Variants in LRRFIP1 observed in about 807,000 individuals in gnomAD.
The protein encoded by LRRFIP1 is leucine-rich repeat flightless-interacting protein 1.
A neutral mutation model predicts 104.4 loss-of-function variants in LRRFIP1; 62 were observed. That is an observed-to-expected ratio of 0.59 (90% CI 0.48 to 0.73). The LOEUF (loss-of-function observed/expected upper bound fraction) is 0.73. Among genes scored for constraint, LRRFIP1 ranks in the 30% least tolerant of loss-of-function variants. The pLI, the probability that LRRFIP1 is intolerant of heterozygous loss-of-function variation, is 0.00. For missense variants in LRRFIP1, 796 were observed against 824.5 expected, an observed-to-expected ratio of 0.97 and a Z score of 0.42; for synonymous variants, 300 against 299.0, an observed-to-expected ratio of 1.00 and a Z score of -0.03.
chr2:237,743,667 T>A (rs2057414954), intron 11 of LRRFIP1, among the ~76,000 whole-genome samples: 1 of 152,136 alleles, frequency 6.6e-6, no homozygotes, highest in Non-Finnish European at 1.5e-5. Context: ...TATGAGCAAA[T>A]GCAGACTTGC....
intron 1 of LRRFIP1, among the ~76,000 whole-genome samples, chr2:237,679,811 T>C: frequency 6.6e-6 from 1 of 152,142 alleles, no homozygotes; most frequent in East Asian, 1.9e-4. Context: ...TTTCACCATG[T>C]TGGTCAGGCT....
At chr2:237,770,224 C>T (rs1264279322) in intron 20 of LRRFIP1, 2 of 485,512 alleles carry the variant, frequency 4.1e-6, no homozygotes, top group Non-Finnish European at 7.5e-6. Flanking sequence ...TCTCAAAGAC[C>T]CAAAGCCATG....
intron 1 of LRRFIP1, among the ~76,000 whole-genome samples, chr2:237,660,655 A>C (rs941324153): frequency 5.3e-5 from 8 of 152,224 alleles, no homozygotes; most frequent in Admixed American, 5.2e-4. Flanking sequence ...TTGTAGCAGA[A>C]AAATGTGGAA....
chr2:237,727,514 A>G (rs1365736507), intron 7 of LRRFIP1, among the ~76,000 whole-genome samples: 1 of 152,182 alleles, frequency 6.6e-6, no homozygotes, highest in African/African-American at 2.4e-5. Flanking sequence ...GCTTCTTGCA[A>G]GCAGAATGTC....
intron 11 of LRRFIP1, among the ~76,000 whole-genome samples, chr2:237,742,290 A>G (rs2057211826): frequency 6.6e-6 from 1 of 152,122 alleles, no homozygotes; most frequent in South Asian, 2.1e-4. Context: ...CAACTAGCAA[A>G]GGTCAGTTGA....
chr2:237,646,231 T>C (rs186549775), intron 1 of LRRFIP1, among the ~76,000 whole-genome samples: 6 of 151,474 alleles, frequency 4.0e-5, no homozygotes, highest in Admixed American at 1.3e-4. Context: ...TAAAAAAAAA[T>C]ATATATGTAT....
chr2:237,724,052 T>C (rs1200545749), intron 7 of LRRFIP1, among the ~76,000 whole-genome samples: 41 of 149,110 alleles, frequency 2.7e-4, no homozygotes, highest in African/African-American at 1.0e-3. Flanking sequence ...AATCTGACTT[T>C]TTTTTTTTTT....
At chr2:237,732,094 G>A (rs2095035874) in intron 8 of LRRFIP1, among the ~76,000 whole-genome samples, 1 of 151,816 alleles carries the variant, frequency 6.6e-6, no homozygotes, top group African/African-American at 2.4e-5. Context: ...ATTTTTTTCT[G>A]TGCGTGAACT....
chr2:237,741,251 C>A (rs1405746167), intron 11 of LRRFIP1, among the ~76,000 whole-genome samples: 1 of 152,202 alleles, frequency 6.6e-6, no homozygotes, highest in Non-Finnish European at 1.5e-5. Context: ...CATGATTTCC[C>A]ATTTTCAAAC....
At chr2:237,659,277 G>A (rs903947167) in intron 1 of LRRFIP1, among the ~76,000 whole-genome samples, 2 of 151,392 alleles carry the variant, frequency 1.3e-5, no homozygotes, top group Admixed American at 1.3e-4. Context: ...TTTATTTTTA[G>A]TAGAGATGAT....
At chr2:237,775,554 G>A (rs1328047563) in intron 23 of LRRFIP1, among the ~76,000 whole-genome samples, 2 of 152,232 alleles carry the variant, frequency 1.3e-5, no homozygotes, top group Non-Finnish European at 2.9e-5. Context: ...CACTCGGGCC[G>A]GGCGCGGTGG....
intron 11 of LRRFIP1, among the ~76,000 whole-genome samples, chr2:237,741,924 A>G (rs1447253479): frequency 6.6e-6 from 1 of 152,204 alleles, no homozygotes; most frequent in Non-Finnish European, 1.5e-5. Flanking sequence ...TGAATCCCAA[A>G]CACGCTTAAT....
chr2:237,725,499 C>T (rs1347098990), intron 7 of LRRFIP1, among the ~76,000 whole-genome samples: 2 of 152,198 alleles, frequency 1.3e-5, no homozygotes, highest in East Asian at 3.9e-4. Context: ...CAGCCCCACC[C>T]ATCTAAATAC....
chr2:237,653,005 G>T (rs868639110), intron 1 of LRRFIP1, among the ~76,000 whole-genome samples: 1 of 152,180 alleles, frequency 6.6e-6, no homozygotes, highest in South Asian at 2.1e-4. Context: ...GTTTAAAAGT[G>T]TGTAGCACTT....
At chr2:237,738,641 G>C (rs544889732) in intron 10 of LRRFIP1, among the ~76,000 whole-genome samples, 1 of 152,332 alleles carries the variant, frequency 6.6e-6, no homozygotes, top group African/African-American at 2.4e-5. Context: ...CCAGATAATC[G>C]AGTTGCTGGT....
intron 1 of LRRFIP1, among the ~76,000 whole-genome samples, chr2:237,664,290 G>A (rs890257276): frequency 6.6e-6 from 1 of 152,250 alleles, no homozygotes; most frequent in Non-Finnish European, 1.5e-5. Context: ...GGCCGGCGGC[G>A]TTCTCCACTG....
rs900993598 is a variant in LRRFIP1, at chr2:237,647,707, C to G, written c.96+19967C>G. 3.6e-4 allele frequency among the ~76,000 whole-genome samples: 41 copies of G among 115,164 alleles called. 1 individual carries two copies. Among genetic ancestry groups the G allele is most frequent in the African/African-American group, 9.9e-4 (34 of 34,264 alleles). 75.6% of individuals were successfully genotyped at this position (115,164 alleles called of 152,430 possible). ...AGGGTCACGCCCTGTCACCCCGTGG[C>G]CGGCCACTCACTGCAGGCAGGTGGA... On this transcript the variant is annotated intron_variant, in intron 1 of 23. Coordinates refer to ENST00000308482, the MANE Select transcript of LRRFIP1 (RefSeq NM_001137550.2).
rs569393272 is a variant in LRRFIP1 at position 237,766,586 on chromosome 2, G to A, written c.1460-3357G>A. Among the ~76,000 whole-genome samples, 17 of 152,238 alleles carry A rather than the reference G, an allele frequency of 1.1e-4. No homozygotes were observed. The highest frequency in any genetic ancestry group is 4.2e-4 in the South Asian group (2 of 4,814). Reference sequence around the variant, plus strand: ...CATCCCTCAGCTCAGCCATCCAGCCGTCTCAGTGATTCACCACTCATTTGC... The same window carrying A: ...CATCCCTCAGCTCAGCCATCCAGCCATCTCAGTGATTCACCACTCATTTGC... On this transcript the variant is annotated intron_variant, in intron 19 of 23. Coordinates refer to ENST00000308482, the MANE Select transcript of LRRFIP1 (RefSeq NM_001137550.2). The surrounding 1 kb of genome is among the most constrained non-coding windows in gnomAD (Gnocchi z 4.8).
intron 15 of LRRFIP1, among the ~76,000 whole-genome samples, chr2:237,754,202 A>ATTT (rs1275615504): frequency 3.5e-4 from 53 of 152,300 alleles, no homozygotes; most frequent in African/African-American, 1.1e-3. Flanking sequence ...ACCATAGGGA[A>ATTT]ATAGTTATGA....
Sources: allele counts gnomAD v4.1 joint callset (sites outside exome capture counted in the v4.1 genomes callset), GRCh38; gene constraint gnomAD v4.1.1; non-coding constraint Gnocchi (gnomAD v3.1); transcripts MANE v1.5; gene names NCBI Gene and HGNC (gene_info 2026-07-23, HGNC 2026-07-21).